NTM: variants seen among roughly 807,000 people sequenced by gnomAD.
NTM encodes neurotrimin, also known as IgLON family member 2.
NTM carries 13 observed loss-of-function variants against 42.1 expected under a neutral mutation model. The ratio of observed to expected loss-of-function variants is 0.31; its 90% CI spans 0.20 to 0.49. The LOEUF (loss-of-function observed/expected upper bound fraction) is 0.49, where lower values mean the gene tolerates loss of function less well. Among genes scored for constraint, NTM ranks in the 20% least tolerant of loss-of-function variants. The pLI, the probability that NTM is intolerant of heterozygous loss-of-function variation, is 0.99. For missense variants in NTM, 373 were observed against 452.8 expected (o/e 0.82, Z 1.60); for synonymous variants, 187 against 179.2 (o/e 1.04, Z -0.35).
chr11:132,191,484 C>T (rs528705551), intron 3 of NTM, among the ~76,000 whole-genome samples: 2 of 152,306 alleles, frequency 1.3e-5, no homozygotes, highest in African/African-American at 4.8e-5. Context: ...GCATCGCAGT[C>T]AAGCCCTCAA....
chr11:131,874,030 A>AATATATATATATATATAT (rs59083400), intron 1 of NTM, among the ~76,000 whole-genome samples: 1 of 76,630 alleles, frequency 1.3e-5, no homozygotes, highest in African/African-American at 3.7e-5. Context: ...AATATAATAT[A>AATATATATATATATATAT]ATATATATAT....
At chr11:131,877,272 C>T (rs2048677152) in intron 1 of NTM, among the ~76,000 whole-genome samples, 1 of 152,218 alleles carries the variant, frequency 6.6e-6, no homozygotes. Flanking sequence ...TGTTAAGGAT[C>T]TGCATTGTTC....
chr11:131,459,229 C>T (rs1951165850), intron 1 of NTM, among the ~76,000 whole-genome samples: 1 of 152,228 alleles, frequency 6.6e-6, no homozygotes, highest in Non-Finnish European at 1.5e-5. Flanking sequence ...TTGCTCTCAC[C>T]AGCAAGGTGC....
chr11:132,265,850 G>A (rs1467929592), intron 4 of NTM, among the ~76,000 whole-genome samples: 17 of 152,194 alleles, frequency 1.1e-4, no homozygotes, highest in Admixed American at 1.1e-3. Context: ...TGAAGCACAG[G>A]CAGAGAGGAG....
chr11:131,401,801 T>A (rs1432248002), intron 1 of NTM, among the ~76,000 whole-genome samples: 1 of 1,420 alleles, frequency 7.0e-4, no homozygotes, highest in African/African-American at 2.5e-3. Context: ...CCACTGGAAA[T>A]ATATATATAT....
intron 2 of NTM, among the ~76,000 whole-genome samples, chr11:131,937,067 T>C (rs2059300937): frequency 6.6e-6 from 1 of 152,192 alleles, no homozygotes; most frequent in African/African-American, 2.4e-5. Flanking sequence ...GTTTCAGCTA[T>C]GAAAATGTGA....
intron 1 of NTM, among the ~76,000 whole-genome samples, chr11:131,636,559 G>A (rs1565358885): frequency 6.6e-6 from 1 of 152,178 alleles, no homozygotes; most frequent in Non-Finnish European, 1.5e-5. Flanking sequence ...AACATAAAAC[G>A]ATGCAGACTG....
chr11:131,712,859 T>C (rs534669826), intron 1 of NTM, among the ~76,000 whole-genome samples: 1 of 151,936 alleles, frequency 6.6e-6, no homozygotes, highest in East Asian at 1.9e-4. Flanking sequence ...CTGGGAGCCA[T>C]GGTGCCCGGC....
At chr11:131,996,341 A>G (rs2068021612) in intron 2 of NTM, among the ~76,000 whole-genome samples, 1 of 152,152 alleles carries the variant, frequency 6.6e-6, no homozygotes, top group Non-Finnish European at 1.5e-5. Flanking sequence ...ACACACATGT[A>G]GAGTAAATTA....
At chr11:131,476,643 T>C (rs964606541) in intron 1 of NTM, among the ~76,000 whole-genome samples, 8 of 152,152 alleles carry the variant, frequency 5.3e-5, no homozygotes, top group African/African-American at 1.9e-4. Flanking sequence ...ATAAAGGATT[T>C]ATCAAGACAA....
intron 1 of NTM, among the ~76,000 whole-genome samples, chr11:131,633,686 T>C (rs1419886556): frequency 6.8e-5 from 7 of 102,332 alleles, no homozygotes; most frequent in South Asian, 4.2e-4. Flanking sequence ...TCCCTCTCTC[T>C]CTCTCTCCCT....
chr11:131,649,395 C>G (rs893476213), intron 1 of NTM, among the ~76,000 whole-genome samples: 2 of 152,102 alleles, frequency 1.3e-5, no homozygotes, highest in African/African-American at 2.4e-5. Flanking sequence ...AAGTATTGAA[C>G]GGGATAAAAA....
At chr11:131,840,468 G>A (rs936337037) in intron 1 of NTM, among the ~76,000 whole-genome samples, 2 of 152,162 alleles carry the variant, frequency 1.3e-5, no homozygotes, top group African/African-American at 4.8e-5. Flanking sequence ...GATCGACCAT[G>A]AGATTTGAAA....
intron 2 of NTM, among the ~76,000 whole-genome samples, chr11:132,040,709 G>A (rs1460428188): frequency 6.6e-6 from 1 of 152,184 alleles, no homozygotes. Context: ...TAAAATGTGA[G>A]AACAAAGCCC....
At chr11:131,657,397 A>G (rs1295577681) in intron 1 of NTM, among the ~76,000 whole-genome samples, 1 of 152,238 alleles carries the variant, frequency 6.6e-6, no homozygotes. Context: ...AATAAAGGGC[A>G]GAGGGTGGAC....
chr11:132,146,749 G>T lies in NTM; in HGVS notation c.400+235G>T. ...TTTGTTCCAATAATATATTTTCTCA[G>T]GAAATTATCTTGTAATTATTGCTCT... On this transcript the variant is annotated intron_variant, in intron 3 of 8. Transcript: ENST00000683400. The surrounding 1 kb of genome is among the most constrained non-coding windows in gnomAD (Gnocchi z 4.5). The T allele has an allele frequency of 4.4e-6, 2 of 453,858 alleles. No homozygotes were observed. Among genetic ancestry groups the T allele is most frequent in the South Asian group, 5.7e-5 (1 of 17,632 alleles). 28.1% of individuals were successfully genotyped at this position (453,858 alleles called of 1,614,324 possible). A position where few individuals can be genotyped will look rare whatever the true frequency, so the allele number is the denominator to read the frequency against.
At chr11:131,458,747 C>A (rs943684653) in intron 1 of NTM, among the ~76,000 whole-genome samples, 2 of 152,224 alleles carry the variant, frequency 1.3e-5, no homozygotes, top group African/African-American at 4.8e-5. Context: ...ATTCCCAGGG[C>A]TGTCTAAACT....
chr11:131,415,341 G>T (rs770775258), intron 1 of NTM, among the ~76,000 whole-genome samples: 11 of 152,104 alleles, frequency 7.2e-5, no homozygotes, highest in Non-Finnish European at 1.6e-4. Context: ...GAAGCTTTTG[G>T]AACCCCCTCT....
At chr11:131,381,765 G>A (rs907850351) in intron 1 of NTM, among the ~76,000 whole-genome samples, 4 of 152,172 alleles carry the variant, frequency 2.6e-5, no homozygotes, top group African/African-American at 9.7e-5. Flanking sequence ...CACTACCTGA[G>A]TTGTGGCTCT....
Sources: gnomAD v4.1 joint callset for allele counts (sites outside exome capture counted in the v4.1 genomes callset) on GRCh38, gnomAD v4.1.1 for gene constraint, Gnocchi (gnomAD v3.1) non-coding constraint, MANE v1.5 for transcripts, NCBI Gene and HGNC (gene_info 2026-07-23, HGNC 2026-07-21) for gene names.